The following SMC1B variants were observed in gnomAD, a reference collection of about 807,000 sequenced individuals.
SMC1B encodes structural maintenance of chromosomes 1B.
SMC1B carries 60 observed loss-of-function variants against 157.9 expected under a neutral mutation model. The ratio of observed to expected loss-of-function variants is 0.38; its 90% CI spans 0.31 to 0.47. The LOEUF (loss-of-function observed/expected upper bound fraction) is 0.47, where lower values mean the gene tolerates loss of function less well. SMC1B is among the 20% of genes least tolerant of loss of function. The probability of loss-of-function intolerance (pLI) is 0.99; values close to 1 mark genes in which losing one functional copy is unlikely to be tolerated. For missense variants in SMC1B, 1,165 were observed against 1,426.2 expected (o/e 0.82, Z 2.95); for synonymous variants, 445 against 483.0 (o/e 0.92, Z 1.03).
At chr22:45,384,161 T>C (rs1176202923) in intron 11 of SMC1B, among the ~76,000 whole-genome samples, 1 of 152,214 alleles carries the variant, frequency 6.6e-6, no homozygotes, top group Non-Finnish European at 1.5e-5. Flanking sequence ...TTTTCATGTT[T>C]AAGAATTATT....
At chr22:45,344,837 AC>A (rs2086534992) in intron 24 of SMC1B, among the ~76,000 whole-genome samples, 180 bp from the exon 25 acceptor site, 1 of 152,130 alleles carries the variant, frequency 6.6e-6, no homozygotes, top group African/African-American at 2.4e-5. Flanking sequence ...AATTTCCATT[AC>A]TCATGCATTA....
At chr22:45,353,922 A>AAAAAAAAAAAAAAAAAAAAAAAAAAC in intron 21 of SMC1B, 56 bp downstream of exon 21, 1 of 1,033,200 alleles carries the variant, frequency 9.7e-7, no homozygotes. Flanking sequence ...AAAAAAAAAC[A>AAAAAAAAAAAAAAAAAAAAAAAAAAC]ACCACCACCG....
chr22:45,393,630 T>C lies in SMC1B; in HGVS notation c.1545+4A>G. The C allele has an allele frequency of 6.2e-7, 1 of 1,602,048 alleles. No individual in the cohort carries two copies. Among genetic ancestry groups the C allele is most frequent in the South Asian group, 1.1e-5 (1 of 88,928 alleles). Reference sequence around the variant, plus strand: ...TGTTTAAATTAACTATTCATTCTCATTACCACAGAATCTGGGTACAGTCTT... The same window carrying C: ...TGTTTAAATTAACTATTCATTCTCACTACCACAGAATCTGGGTACAGTCTT... On this transcript the variant is annotated splice_donor_region_variant and intron_variant, in intron 9 of 24. Transcript: ENST00000357450.
chr22:45,413,364 GC>G, intron 1 of SMC1B, 94 bp downstream of exon 1: 1 of 964,276 alleles, frequency 1.0e-6, no homozygotes, highest in African/African-American at 1.9e-5. Flanking sequence ...CCGGCCAGGC[GC>G]CCGCGGCAGA....
chr22:45,359,998 A>G, intron 17 of SMC1B, 40 bp from the exon 18 acceptor site: 4 of 1,524,992 alleles, frequency 2.6e-6, no homozygotes, highest in Non-Finnish European at 3.6e-6. Flanking sequence ...TTTACTCATT[A>G]TGTAACACTG....
chr22:45,396,728 A>T (rs1011180736), intron 6 of SMC1B, among the ~76,000 whole-genome samples: 1 of 151,626 alleles, frequency 6.6e-6, no homozygotes, highest in Non-Finnish European at 1.5e-5. Context: ...ATTTATTTTT[A>T]TTTTGCCCAG....
At chr22:45,408,671 T>C (rs1453532571) in intron 2 of SMC1B, 39 bp downstream of exon 2, 3 of 1,427,668 alleles carry the variant, frequency 2.1e-6, no homozygotes, top group Non-Finnish European at 2.9e-6. Flanking sequence ...CTTACTTGAC[T>C]CTTGAAAAAT....
chr22:45,386,718 C>A lies in SMC1B; in HGVS notation c.1911+149G>T, dbSNP rs558686215. ...CAGAACATTATAAAAACCACTGAAG[C>A]CATAACCACCTTAGGTTCTATGTTG... On this transcript the variant is annotated intron_variant, in intron 11 of 24. Transcript: ENST00000357450. 7.2e-6 allele frequency: 4 copies of A among 555,154 alleles called. No homozygotes were observed. In the East Asian group the frequency reaches 1.2e-4, roughly 17 times the overall value. 34.4% of individuals were successfully genotyped at this position (555,154 alleles called of 1,614,324 possible). A position where few individuals can be genotyped will look rare whatever the true frequency, so the allele number is the denominator to read the frequency against.
At chr22:45,413,100 C>G (rs2087368467) in intron 1 of SMC1B, among the ~76,000 whole-genome samples, 2 of 151,606 alleles carry the variant, frequency 1.3e-5, no homozygotes, top group Non-Finnish European at 2.9e-5. Flanking sequence ...GGGCGAGGGC[C>G]GGAGCTGAGG....
At chr22:45,360,936 A>G (rs559509840) in intron 17 of SMC1B, among the ~76,000 whole-genome samples, 3 of 151,948 alleles carry the variant, frequency 2.0e-5, no homozygotes, top group African/African-American at 7.2e-5. Flanking sequence ...CATTGCCATC[A>G]TCATGGCAGA....
chr22:45,346,011 C>G (rs1434648610), intron 23 of SMC1B, among the ~76,000 whole-genome samples: 1 of 151,794 alleles, frequency 6.6e-6, no homozygotes, highest in Non-Finnish European at 1.5e-5. Context: ...CAAAACCAGC[C>G]TGGCCAACAT....
At chr22:45,402,302 C>G (rs1401726632) in intron 5 of SMC1B, 31 bp downstream of exon 5, 1 of 1,441,764 alleles carries the variant, frequency 6.9e-7, no homozygotes, top group South Asian at 1.2e-5. Context: ...ACATATAACC[C>G]AACTGTTAAT....
chr22:45,396,503 G>A lies in SMC1B; in HGVS notation c.1114-17C>T, dbSNP rs2087126130. On this transcript the variant is annotated splice_polypyrimidine_tract_variant and intron_variant, in intron 6 of 24. Coordinates refer to ENST00000357450, the MANE Select transcript of SMC1B (RefSeq NM_148674.5). The stretch of plus-strand genomic sequence containing the variant: ...ACGATCCAGCTGCATAAACAGTATT[G>A]AAAAATTGCTAATTCACCTTAAGAA... 1.3e-6 allele frequency: 2 copies of A among 1,592,680 alleles called. No homozygotes were observed. The highest frequency in any genetic ancestry group is 1.7e-6 in the Non-Finnish European group (2 of 1,171,090).
chr22:45,381,622 A>T (rs1428005259), intron 12 of SMC1B, among the ~76,000 whole-genome samples: 1 of 152,184 alleles, frequency 6.6e-6, no homozygotes, highest in African/African-American at 2.4e-5. Flanking sequence ...AGCCTCCCTC[A>T]GAACCCAAGA....
intron 16 of SMC1B, 99 bp from the exon 17 acceptor site, chr22:45,362,083 G>C: frequency 8.1e-7 from 1 of 1,238,688 alleles, no homozygotes; most frequent in Non-Finnish European, 1.1e-6. Flanking sequence ...ATCCCGAGAT[G>C]AACCTTCTCA....
chr22:45,377,951 T>C (rs1489119098), intron 12 of SMC1B, among the ~76,000 whole-genome samples: 1 of 151,948 alleles, frequency 6.6e-6, no homozygotes, highest in Non-Finnish European at 1.5e-5. Flanking sequence ...CAGGCTTAAG[T>C]GTTCCTCCTG....
chr22:45,347,853 C>G (rs1166480332), intron 23 of SMC1B, among the ~76,000 whole-genome samples: 1 of 152,210 alleles, frequency 6.6e-6, no homozygotes, highest in African/African-American at 2.4e-5. Flanking sequence ...CTGGTCATTT[C>G]TAGAAGATGG....
chr22:45,362,943 A>C lies in SMC1B; in HGVS notation c.2504T>G (p.Ile835Ser). The C allele has an allele frequency of 6.2e-7, 1 of 1,603,938 alleles. No individual in the cohort carries two copies. The highest frequency in any genetic ancestry group is 8.5e-7 in the Non-Finnish European group (1 of 1,175,312). The change falls in exon 16 of 25, where the codon ATC becomes AGC. Residue 835 changes from isoleucine to serine, a missense_variant. Transcript: ENST00000357450. ...RSHLKKKLNK[I>S]NTLKETIQKG... ...CTGGATAGTTTCTTTTAATGTGTTG[A>C]TCTTATTCAGTTTCTTCTTAAGGTG...
chr22:45,383,953 T>C (rs2086964706), intron 11 of SMC1B, among the ~76,000 whole-genome samples: 1 of 152,220 alleles, frequency 6.6e-6, no homozygotes, highest in African/African-American at 2.4e-5. Flanking sequence ...CTAATCTACA[T>C]GCTAAGTTCC....
Sources: gnomAD v4.1 joint callset for allele counts (sites outside exome capture counted in the v4.1 genomes callset) on GRCh38, gnomAD v4.1.1 for gene constraint, MANE v1.5 for transcripts, NCBI Gene and HGNC (gene_info 2026-07-23, HGNC 2026-07-21) for gene names.